LRBA: variants seen among roughly 807,000 people sequenced by gnomAD.
The protein encoded by LRBA is LPS responsive beige-like anchor protein, also known as lipopolysaccharide-responsive and beige-like anchor protein.
In LRBA, 176 loss-of-function variants were observed where a neutral mutation model predicts 330.0. The observed-to-expected ratio is 0.53, with a 90% CI of 0.47 to 0.60. The LOEUF (loss-of-function observed/expected upper bound fraction) is 0.60, where lower values mean the gene tolerates loss of function less well. Among genes scored for constraint, LRBA ranks in the 20% least tolerant of loss-of-function variants. LRBA has a pLI of 0.00. For synonymous variants in LRBA, 1,230 were observed against 1,193.0 expected (o/e 1.03, Z -0.64); for missense variants, 3,259 against 3,444.8 (o/e 0.95, Z 1.35).
chr4:150,993,953 T>C (rs1006718493), intron 2 of LRBA, among the ~76,000 whole-genome samples: 1 of 150,716 alleles, frequency 6.6e-6, no homozygotes, highest in African/African-American at 2.4e-5. Flanking sequence ...TAATCCCAGA[T>C]ACTCAGTAGG....
chr4:150,775,078 C>T (rs1737084911), intron 34 of LRBA, among the ~76,000 whole-genome samples: 2 of 152,078 alleles, frequency 1.3e-5, no homozygotes, highest in Admixed American at 6.6e-5. Flanking sequence ...TGAATGCCAC[C>T]ACTTGGCTCC....
chr4:150,918,210 G>A (rs1181615157), intron 5 of LRBA, among the ~76,000 whole-genome samples: 7 of 152,092 alleles, frequency 4.6e-5, no homozygotes. Context: ...TCTGCAAACT[G>A]AATACCTGAT....
chr4:150,705,007 T>TA (rs1582099795), intron 36 of LRBA, among the ~76,000 whole-genome samples: 1 of 152,138 alleles, frequency 6.6e-6, no homozygotes, highest in South Asian at 2.1e-4. Flanking sequence ...GCTGGTTACA[T>TA]AAAAAAATGA....
At chr4:151,004,447 C>A (rs1190572986) in intron 2 of LRBA, among the ~76,000 whole-genome samples, 1 of 152,192 alleles carries the variant, frequency 6.6e-6, no homozygotes, top group Non-Finnish European at 1.5e-5. Context: ...AGGGATGATT[C>A]ACATCCTGGT....
At chr4:150,610,586 T>C (rs1775150761) in intron 37 of LRBA, among the ~76,000 whole-genome samples, 1 of 151,462 alleles carries the variant, frequency 6.6e-6, no homozygotes, top group South Asian at 2.1e-4. Context: ...GAGACTCCCA[T>C]CACAAAAAAA....
chr4:150,578,163 A>G (rs561292107), intron 40 of LRBA, among the ~76,000 whole-genome samples: 8 of 152,356 alleles, frequency 5.3e-5, no homozygotes, highest in Admixed American at 1.3e-4. Context: ...TCTATGCAAG[A>G]AAGTATCACA....
intron 2 of LRBA, among the ~76,000 whole-genome samples, chr4:151,004,428 G>T (rs916772199): frequency 2.6e-5 from 4 of 152,202 alleles, no homozygotes; most frequent in African/African-American, 9.7e-5. Flanking sequence ...ACAGCATGAT[G>T]CTGGACAAAG....
chr4:150,949,993 GAAT>G (rs1269522929), intron 2 of LRBA, among the ~76,000 whole-genome samples: 2 of 152,022 alleles, frequency 1.3e-5, no homozygotes, highest in Admixed American at 1.3e-4. Context: ...TTGCATTATA[GAAT>G]AAATATGCAA....
At chr4:150,546,414 T>C (rs1191363752) in intron 40 of LRBA, among the ~76,000 whole-genome samples, 4 of 152,224 alleles carry the variant, frequency 2.6e-5, no homozygotes, top group African/African-American at 9.6e-5. Context: ...TTTGCTCCAC[T>C]CTGCAAAGCC....
At chr4:150,704,149 G>A (rs1274178704) in intron 36 of LRBA, among the ~76,000 whole-genome samples, 1 of 152,092 alleles carries the variant, frequency 6.6e-6, no homozygotes, top group Non-Finnish European at 1.5e-5. Context: ...AGGGGTTTGA[G>A]GCTGCAATGC....
intron 22 of LRBA, among the ~76,000 whole-genome samples, chr4:150,857,088 T>C (rs1751315309): frequency 6.6e-6 from 1 of 152,186 alleles, no homozygotes; most frequent in African/African-American, 2.4e-5. Flanking sequence ...AGCAAAGGCA[T>C]CTTTTTCAGT....
At chr4:150,581,312 C>G (rs1462794798) in intron 40 of LRBA, 1 of 442,952 alleles carries the variant, frequency 2.3e-6, no homozygotes, top group Non-Finnish European at 4.5e-6. Flanking sequence ...ATTTATAAAC[C>G]CTCACCTTAT....
At chr4:150,585,765 G>A (rs934208379) in intron 40 of LRBA, among the ~76,000 whole-genome samples, 1 of 152,078 alleles carries the variant, frequency 6.6e-6, no homozygotes, top group Admixed American at 6.6e-5. Context: ...AATGAGAGGT[G>A]TAGAGAAAAA....
chr4:150,576,824 G>C (rs569957121), intron 40 of LRBA, among the ~76,000 whole-genome samples: 1 of 151,922 alleles, frequency 6.6e-6, no homozygotes, highest in East Asian at 1.9e-4. Flanking sequence ...AGTTTGATAG[G>C]CTTACTGTAC....
At chr4:150,877,330 G>GAAAGATCT (rs1754162910) in intron 17 of LRBA, among the ~76,000 whole-genome samples, 1 of 151,358 alleles carries the variant, frequency 6.6e-6, no homozygotes, top group Non-Finnish European at 1.5e-5. Flanking sequence ...CAGGGTTGGG[G>GAAAGATCT]AAAGATCTAC....
At chr4:150,540,956 C>T (rs556848278) in intron 40 of LRBA, among the ~76,000 whole-genome samples, 25 of 152,298 alleles carry the variant, frequency 1.6e-4, no homozygotes, top group Admixed American at 5.2e-4. Context: ...CAGCGGAAAT[C>T]ATAACCATTA....
At chr4:150,313,880 TATA>T (rs992266655) in intron 51 of LRBA, among the ~76,000 whole-genome samples, 2 of 150,186 alleles carry the variant, frequency 1.3e-5, no homozygotes, top group Non-Finnish European at 3.0e-5. Context: ...GGTAATTTTA[TATA>T]ATATTTTAAA....
At position 150,928,620 on chromosome 4, in the gene LRBA, G is replaced by A. The variant is rs746797296; in HGVS notation, c.449-4C>T. On this transcript the variant is annotated splice_polypyrimidine_tract_variant and splice_region_variant and intron_variant, in intron 3 of 56. Coordinates refer to ENST00000651943, the MANE Select transcript of LRBA (RefSeq NM_001364905.1). ...CCCAACATGTCAACCAAAAGATCTGGAAACAAAAGAAAACGATAAAATAAC... is the reference window on the plus strand; with the variant it reads ...CCCAACATGTCAACCAAAAGATCTGAAAACAAAAGAAAACGATAAAATAAC... 6.2e-7 allele frequency: 1 copy of A among 1,600,952 alleles called. No homozygotes were observed. Among genetic ancestry groups the A allele is most frequent in the Non-Finnish European group, 8.5e-7 (1 of 1,170,786 alleles).
At chr4:150,620,985 T>G (rs1254442983) in intron 37 of LRBA, among the ~76,000 whole-genome samples, 1 of 152,206 alleles carries the variant, frequency 6.6e-6, no homozygotes, top group Admixed American at 6.5e-5. Flanking sequence ...ATATTAGTTT[T>G]GAAATTTTTT....
Sources: allele counts gnomAD v4.1 joint callset (sites outside exome capture counted in the v4.1 genomes callset), GRCh38; gene constraint gnomAD v4.1.1; transcripts MANE v1.5; gene names NCBI Gene and HGNC (gene_info 2026-07-23, HGNC 2026-07-21).